Variants in DNER observed in about 807,000 individuals in gnomAD.
DNER encodes delta/notch like EGF repeat containing.
In DNER, 33 loss-of-function variants were observed where a neutral mutation model predicts 78.2. The observed-to-expected ratio is 0.42, with a 90% CI of 0.32 to 0.56. The LOEUF (loss-of-function observed/expected upper bound fraction) is 0.56, where lower values mean the gene tolerates loss of function less well. Among genes scored for constraint, DNER ranks in the 20% least tolerant of loss-of-function variants. The pLI, the probability that DNER is intolerant of heterozygous loss-of-function variation, is 0.11. For missense variants in DNER, 918 were observed against 975.3 expected, an observed-to-expected ratio of 0.94 and a Z score of 0.78; for synonymous variants, 417 against 384.8, an observed-to-expected ratio of 1.08 and a Z score of -0.98.
chr2:229,383,911 T>G (rs1008440638), intron 11 of DNER, among the ~76,000 whole-genome samples: 9 of 152,270 alleles, frequency 5.9e-5, no homozygotes, highest in Non-Finnish European at 1.3e-4. Context: ...CAAGCAGACC[T>G]AATAGACATC....
rs553592024 is a variant in DNER, at chr2:229,527,894, C to T, written c.994-14958G>A. On this transcript the variant is annotated intron_variant, in intron 5 of 12. Transcript: ENST00000341772. The stretch of plus-strand genomic sequence containing the variant: ...TATGTCAACAATTTTGTATTTTAAC[C>T]GCAAAGCTGAAATACATTTAGCTGA... Among the ~76,000 whole-genome samples the T allele has an allele frequency of 2.3e-4, 35 of 152,132 alleles. No individual in the cohort carries two copies. In the South Asian group the frequency reaches 3.1e-3, roughly 14 times the overall value.
At chr2:229,635,034 C>A (rs1159950845) in intron 1 of DNER, among the ~76,000 whole-genome samples, 1 of 152,220 alleles carries the variant, frequency 6.6e-6, no homozygotes, top group Non-Finnish European at 1.5e-5. Context: ...GTAGCAGTGT[C>A]TGTGTTGACA....
chr2:229,386,496 C>A (rs1692869088), intron 11 of DNER, among the ~76,000 whole-genome samples: 1 of 152,044 alleles, frequency 6.6e-6, no homozygotes, highest in South Asian at 2.1e-4. Flanking sequence ...TAAGGAGCTT[C>A]TGGACAGCAA....
chr2:229,431,463 G>A (rs894605785), intron 8 of DNER, among the ~76,000 whole-genome samples: 12 of 151,462 alleles, frequency 7.9e-5, no homozygotes, highest in Non-Finnish European at 1.8e-4. Context: ...TTACAAACTA[G>A]TCACACTGAG....
intron 10 of DNER, among the ~76,000 whole-genome samples, chr2:229,401,847 G>A (rs1239538529): frequency 6.6e-6 from 1 of 152,072 alleles, no homozygotes; most frequent in African/African-American, 2.4e-5. Flanking sequence ...AAACTAGCCA[G>A]AGAAAAATAG....
intron 8 of DNER, among the ~76,000 whole-genome samples, chr2:229,429,792 G>T (rs960575618): frequency 1.3e-5 from 2 of 152,160 alleles, no homozygotes; most frequent in African/African-American, 4.8e-5. Context: ...TTTCCAATAC[G>T]AAACAGCCTG....
chr2:229,706,668 C>A (rs1699832285), intron 1 of DNER, among the ~76,000 whole-genome samples: 1 of 152,174 alleles, frequency 6.6e-6, no homozygotes, highest in Admixed American at 6.5e-5. Flanking sequence ...CTTACGCAAA[C>A]GTATGTGGCT....
At chr2:229,479,589 T>C (rs1355911736) in intron 6 of DNER, among the ~76,000 whole-genome samples, 1 of 151,728 alleles carries the variant, frequency 6.6e-6, no homozygotes, top group East Asian at 1.9e-4. Flanking sequence ...GGCATACGCC[T>C]GAAATCCCAG....
Position 229,619,609 on chromosome 2 carries a change from A to G in DNER, c.277-27721T>C, listed in dbSNP as rs78694879. ...CAAGATAATGCCCTTCAGTTACAAC[A>G]GAGAGGGTAAATTATATTCTGTGTG... On this transcript the variant is annotated intron_variant, in intron 1 of 12. Coordinates refer to ENST00000341772, the MANE Select transcript of DNER (RefSeq NM_139072.4). 2.3e-3 allele frequency among the ~76,000 whole-genome samples: 350 copies of G among 152,318 alleles called. 13 individuals carry two copies. The East Asian group carries it at 0.053, about 23-fold the overall frequency.
intron 1 of DNER, among the ~76,000 whole-genome samples, chr2:229,684,169 A>AGAGAGAGAGAGT (rs1184050138): frequency 3.1e-4 from 29 of 94,640 alleles, no homozygotes; most frequent in African/African-American, 1.3e-3. Flanking sequence ...AGAGAGAGAG[A>AGAGAGAGAGAGT]GTGTGTGTGT....
chr2:229,698,998 T>A (rs1187722561), intron 1 of DNER, among the ~76,000 whole-genome samples: 1 of 152,154 alleles, frequency 6.6e-6, no homozygotes, highest in African/African-American at 2.4e-5. Context: ...AAATACAATA[T>A]GGAGAGTAAA....
chr2:229,594,498 A>T (rs747164333), intron 1 of DNER, among the ~76,000 whole-genome samples: 11 of 152,246 alleles, frequency 7.2e-5, no homozygotes, highest in Admixed American at 5.2e-4. Flanking sequence ...AAGGCGGGAG[A>T]ATCATTTGAA....
At chr2:229,552,476 C>A (rs1187270208) in intron 4 of DNER, among the ~76,000 whole-genome samples, 1 of 152,158 alleles carries the variant, frequency 6.6e-6, no homozygotes, top group Non-Finnish European at 1.5e-5. Flanking sequence ...GGGAGGGATG[C>A]AGTGGGAGGT....
chr2:229,418,645 GCCACCACAAAGTGCTGGTAATC>G (rs1693699110), intron 8 of DNER, among the ~76,000 whole-genome samples: 1 of 152,026 alleles, frequency 6.6e-6, no homozygotes, highest in African/African-American at 2.4e-5. Context: ...GGTGGCTCAT[GCCACCACAAAGTGCTGGTAATC>G]CCAGCACTTT....
At chr2:229,360,538 G>A (rs1254511905) in intron 12 of DNER, among the ~76,000 whole-genome samples, 2 of 152,088 alleles carry the variant, frequency 1.3e-5, no homozygotes, top group Non-Finnish European at 2.9e-5. Flanking sequence ...TCAGCTTCCC[G>A]AGTAGCTGGG....
chr2:229,665,130 G>C (rs529055934), intron 1 of DNER, among the ~76,000 whole-genome samples: 32 of 152,176 alleles, frequency 2.1e-4, no homozygotes, highest in Non-Finnish European at 3.4e-4. Context: ...CAGCTGAGGA[G>C]AATGCCCACC....
intron 6 of DNER, among the ~76,000 whole-genome samples, chr2:229,481,463 C>T (rs569076420): frequency 1.9e-4 from 29 of 152,220 alleles, no homozygotes; most frequent in African/African-American, 6.7e-4. Context: ...TCCTTAGACC[C>T]TCAGAGAGCA....
intron 1 of DNER, among the ~76,000 whole-genome samples, chr2:229,665,036 T>C (rs1173721583): frequency 6.6e-6 from 1 of 152,178 alleles, no homozygotes; most frequent in Non-Finnish European, 1.5e-5. Flanking sequence ...TGCGGAATAG[T>C]TACTAAGAAC....
chr2:229,626,810 A>C (rs1004152229), intron 1 of DNER, among the ~76,000 whole-genome samples: 5 of 152,258 alleles, frequency 3.3e-5, no homozygotes, highest in African/African-American at 1.2e-4. Flanking sequence ...AATTCAGTAC[A>C]TACAACATAT....
Sources: gnomAD v4.1 joint callset for allele counts (sites outside exome capture counted in the v4.1 genomes callset) on GRCh38, gnomAD v4.1.1 for gene constraint, MANE v1.5 for transcripts, NCBI Gene and HGNC (gene_info 2026-07-23, HGNC 2026-07-21) for gene names.